CLTRN: variants seen among roughly 807,000 people sequenced by gnomAD.
CLTRN encodes the protein collectrin.
CLTRN carries 12 observed loss-of-function variants against 14.5 expected under a neutral mutation model. The observed-to-expected ratio is 0.83, with a 90% confidence interval of 0.53 to 1.34. The LOEUF (loss-of-function observed/expected upper bound fraction) is 1.34. CLTRN is among the 40% of genes most tolerant of loss of function. The probability of loss-of-function intolerance (pLI) is 0.00; values close to 1 mark genes in which losing one functional copy is unlikely to be tolerated. For synonymous variants in CLTRN, 58 were observed against 56.5 expected (o/e 1.03, Z -0.12); for missense variants, 154 against 165.1 (o/e 0.93, Z 0.37).
At chrX:15,644,282 C>G (rs1366392616) in intron 4 of CLTRN, among the ~76,000 whole-genome samples, 2 of 111,746 alleles carry the variant, frequency 1.8e-5, no homozygotes, top group Non-Finnish European at 3.8e-5. Flanking sequence ...TGAAAACTAA[C>G]ATAATGTAAA....
chrX:15,673,160 AAAAC>A (rs1228681916), intron 1 of CLTRN, among the ~76,000 whole-genome samples: 1 of 112,833 alleles, frequency 8.9e-6, no homozygotes, highest in East Asian at 2.8e-4. Context: ...TATTTTTAAA[AAAAC>A]AAACAGTGCT....
intron 4 of CLTRN, 42 bp from the exon 5 acceptor site, chrX:15,639,798 A>C: frequency 9.3e-7 from 1 of 1,076,445 alleles, no homozygotes; most frequent in Non-Finnish European, 1.3e-6. Flanking sequence ...AATAAGACAG[A>C]AAAAAAACTA....
intron 3 of CLTRN, among the ~76,000 whole-genome samples, chrX:15,649,451 TAGAA>T (rs1929166191): frequency 1.8e-5 from 2 of 112,425 alleles, no homozygotes; most frequent in South Asian, 7.3e-4. Flanking sequence ...TATTGTTAGA[TAGAA>T]AAAGTTCCTG....
At chrX:15,646,278 T>C in intron 3 of CLTRN, 1 of 249,372 alleles carries the variant, frequency 4.0e-6, no homozygotes, top group Non-Finnish European at 7.7e-6. Context: ...GTGCACTTTC[T>C]GACATTTTGA....
intron 1 of CLTRN, 45 bp downstream of exon 1, chrX:15,664,673 A>G: frequency 9.2e-7 from 1 of 1,085,427 alleles, no homozygotes; most frequent in Non-Finnish European, 1.3e-6. Flanking sequence ...CTTGTCAAAC[A>G]TGTAGAAAAC....
intron 3 of CLTRN, chrX:15,646,943 G>A: frequency 3.8e-6 from 1 of 261,518 alleles, no homozygotes; most frequent in South Asian, 3.5e-5. Context: ...AGGCCGCTGA[G>A]CAGAGCCCCT....
At chrX:15,657,193 G>A (rs1929390884) in intron 3 of CLTRN, among the ~76,000 whole-genome samples, 1 of 111,553 alleles carries the variant, frequency 9.0e-6, no homozygotes, top group African/African-American at 3.3e-5. Flanking sequence ...GTTTTGCCAT[G>A]TTGTCCATGT....
Position 15,633,734 on chromosome X carries a change from ATATAAG to A in CLTRN, c.513-5613_513-5608del, listed in dbSNP as rs749142502. Among the ~76,000 whole-genome samples the A allele has an allele frequency of 4.2e-3, 467 of 112,508 alleles. 3 individuals carry two copies. The highest frequency in any genetic ancestry group is 0.015 in the African/African-American group (452 of 30,992). On this transcript the variant is annotated intron_variant, in intron 5 of 5. Coordinates refer to ENST00000380342, the MANE Select transcript of CLTRN (RefSeq NM_020665.6). ...TTTATTTACTATTGACCTTATGGGA[ATATAAG>A]TATAACTAGAAACAAACCAAGCAAA...
chrX:15,669,407 T>C (rs1410449626), upstream of CLTRN, among the ~76,000 whole-genome samples: 1 of 112,411 alleles, frequency 8.9e-6, no homozygotes, highest in African/African-American at 3.2e-5. Context: ...AATATGTTAC[T>C]ATTTACTTCC....
intron 5 of CLTRN, among the ~76,000 whole-genome samples, chrX:15,629,608 G>C (rs1460648354): frequency 9.1e-6 from 1 of 110,245 alleles, no homozygotes; most frequent in Non-Finnish European, 1.9e-5. Context: ...TTTTATAGAA[G>C]AATGCCAACG....
At chrX:15,666,488 AC>A (rs913356438), upstream of CLTRN, among the ~76,000 whole-genome samples, 1 of 112,149 alleles carries the variant, frequency 8.9e-6, no homozygotes, top group Admixed American at 9.4e-5. Context: ...TTAAATAGAA[AC>A]ATTGGATTTT....
chrX:15,646,637 G>T, intron 3 of CLTRN: 1 of 341,964 alleles, frequency 2.9e-6, no homozygotes, highest in South Asian at 2.6e-5. Flanking sequence ...TCCGCATCCG[G>T]AGAGAGATGG....
At chrX:15,652,836 A>C (rs924601512) in intron 3 of CLTRN, among the ~76,000 whole-genome samples, 1 of 111,574 alleles carries the variant, frequency 9.0e-6, no homozygotes, top group Non-Finnish European at 1.9e-5. Context: ...TAATCCCAGG[A>C]CTCTCGAGGC....
chrX:15,666,379 T>C (rs985757512), upstream of CLTRN, among the ~76,000 whole-genome samples: 1 of 111,840 alleles, frequency 8.9e-6, no homozygotes, highest in Non-Finnish European at 1.9e-5. Context: ...GTCAGGACTT[T>C]CCTCTCTACC....
intron 2 of CLTRN, among the ~76,000 whole-genome samples, 191 bp downstream of exon 2, chrX:15,664,142 TTAAA>T (rs1183386090): frequency 8.9e-6 from 1 of 112,482 alleles, no homozygotes; most frequent in African/African-American, 3.2e-5. Context: ...ACACTACTGA[TTAAA>T]TACTTTAGGC....
chrX:15,629,594 CT>C (rs1334030604), intron 5 of CLTRN, among the ~76,000 whole-genome samples: 2 of 110,222 alleles, frequency 1.8e-5, no homozygotes, highest in South Asian at 3.9e-4. Flanking sequence ...AGAGAAAGCT[CT>C]TTTTTTATAG....
chrX:15,630,044 T>C (rs1480968725), intron 5 of CLTRN, among the ~76,000 whole-genome samples: 1 of 111,833 alleles, frequency 8.9e-6, no homozygotes, highest in Non-Finnish European at 1.9e-5. Context: ...GGTAGATGAA[T>C]CAATGAATGT....
chrX:15,667,004 G>A (rs1240792826), upstream of CLTRN, among the ~76,000 whole-genome samples: 3 of 111,608 alleles, frequency 2.7e-5, no homozygotes, highest in South Asian at 3.7e-4. Flanking sequence ...TTCGGAGGCC[G>A]AGGCAGGTGG....
At chrX:15,657,044 G>A (rs1344292693) in intron 3 of CLTRN, among the ~76,000 whole-genome samples, 2 of 109,113 alleles carry the variant, frequency 1.8e-5, no homozygotes, top group African/African-American at 6.7e-5. Context: ...TGTCACCCAG[G>A]CTGGAGTGCA....
Sources: gnomAD v4.1 joint callset for allele counts (sites outside exome capture counted in the v4.1 genomes callset) on GRCh38, gnomAD v4.1.1 for gene constraint, MANE v1.5 for transcripts, NCBI Gene and HGNC (gene_info 2026-07-23, HGNC 2026-07-21) for gene names.